TRIM13: variants seen among roughly 807,000 people sequenced by gnomAD.
TRIM13 encodes the protein E3 ubiquitin-protein ligase TRIM13.
In TRIM13, 15 loss-of-function variants were observed where a neutral mutation model predicts 27.1. That is an observed-to-expected ratio of 0.55 (90% CI 0.37 to 0.85). The LOEUF (loss-of-function observed/expected upper bound fraction) is 0.85, where lower values mean the gene tolerates loss of function less well. TRIM13 is among the 40% of genes least tolerant of loss of function. The pLI is 0.00. For missense variants in TRIM13, 402 were observed against 472.2 expected (o/e 0.85, Z 1.38); for synonymous variants, 193 against 171.5 (o/e 1.13, Z -0.98).
intron 1 of TRIM13, among the ~76,000 whole-genome samples, chr13:50,010,940 C>T (rs570996203): frequency 9.2e-5 from 14 of 152,312 alleles, no homozygotes; most frequent in Admixed American, 7.8e-4. Context: ...TTTGTGCGTA[C>T]TGCCTATTTT....
In TRIM13 at chr13:50,012,497, T is replaced by C. The variant is rs756000729; in HGVS notation, c.557T>C (p.Phe186Ser). Residue 186 changes from phenylalanine (F) to serine (S), a missense_variant, in exon 2 of 2, where the codon TTT (phenylalanine) becomes TCT (serine). Coordinates refer to ENST00000378182, the MANE Select transcript of TRIM13 (RefSeq NM_213590.3). The part of the protein sequence containing the change: ...TKDSDKVKEF[F>S]EKLQHTLDQK... Reference sequence around the variant, plus strand: ...GATTCAGATAAAGTGAAGGAATTTTTTGAGAAGTTACAACACACACTGGAT... The same window carrying C: ...GATTCAGATAAAGTGAAGGAATTTTCTGAGAAGTTACAACACACACTGGAT... 1 of 1,614,012 alleles carries C rather than the reference T, an allele frequency of 6.2e-7. No individual in the cohort carries two copies. The highest frequency in any genetic ancestry group is 1.1e-5 in the South Asian group (1 of 91,082).
intron 1 of TRIM13, among the ~76,000 whole-genome samples, chr13:50,010,224 G>T (rs945482252): frequency 2.0e-5 from 3 of 151,434 alleles, no homozygotes; most frequent in African/African-American, 7.3e-5. Flanking sequence ...AATTTTTTTG[G>T]TATTTTTTTT....
In TRIM13 at chr13:50,012,536, A is replaced by G; in HGVS notation, c.596A>G (p.Glu199Gly). Residue 199 changes from glutamate (E) to glycine (G), a missense_variant, in exon 2 of 2, where the codon GAA (glutamate) becomes GGA (glycine). Coordinates refer to ENST00000378182, the MANE Select transcript of TRIM13 (RefSeq NM_213590.3). ...CACACACTGGATCAAAAGAAGAATG[A>G]AATTCTGTCTGACTTTGAGACCATG... ...LQHTLDQKKN[E>G]ILSDFETMKL... 2 of 1,614,148 alleles carry G rather than the reference A, an allele frequency of 1.2e-6. No individual in the cohort carries two copies. The highest frequency in any genetic ancestry group is 1.7e-6 in the Non-Finnish European group (2 of 1,180,024).
chr13:50,015,258 C>A lies in TRIM13; in HGVS notation c.*2094C>A, dbSNP rs1022085105. 17 of 386,860 alleles carry A rather than the reference C, an allele frequency of 4.4e-5. No homozygotes were observed. Among genetic ancestry groups the A allele is most frequent in the Non-Finnish European group, 7.2e-5 (15 of 209,492 alleles). The allele number at this position is 386,860 out of a possible 1,614,324, so 24.0% of individuals were successfully genotyped here. ...GCAGTTTTCCTTAAGCTATTTAGTT[C>A]CTCATCTGTTGCTTTTTCATTTTGT... On this transcript the variant is annotated 3_prime_UTR_variant, in exon 2 of 2. Coordinates refer to ENST00000378182, the MANE Select transcript of TRIM13 (RefSeq NM_213590.3).
intron 1 of TRIM13, among the ~76,000 whole-genome samples, chr13:50,002,100 A>C (rs1312567167): frequency 2.0e-5 from 3 of 152,182 alleles, no homozygotes; most frequent in Non-Finnish European, 2.9e-5. Context: ...ATGAAAGATG[A>C]AACCATAGGC....
intron 1 of TRIM13, among the ~76,000 whole-genome samples, chr13:50,006,563 T>A (rs112818223): frequency 3.8e-4 from 58 of 152,106 alleles, no homozygotes; most frequent in Non-Finnish European, 7.4e-4. Flanking sequence ...CAAAAGATGA[T>A]AGTAATGGAA....
At chr13:49,999,350 C>T (rs1312479015) in intron 1 of TRIM13, among the ~76,000 whole-genome samples, 1 of 152,118 alleles carries the variant, frequency 6.6e-6, no homozygotes, top group Non-Finnish European at 1.5e-5. Flanking sequence ...GATTGCGTTT[C>T]ACCCCAAACC....
rs1245826138 is a variant in TRIM13 at position 50,013,174 on chromosome 13, C to G, written c.*10C>G. 4 of 1,530,022 alleles carry G rather than the reference C, an allele frequency of 2.6e-6. No individual in the cohort carries two copies. Among genetic ancestry groups the G allele is most frequent in the Non-Finnish European group, 3.5e-6 (4 of 1,141,814 alleles). 94.8% of individuals were successfully genotyped at this position (1,530,022 alleles called of 1,614,324 possible). On this transcript the variant is annotated 3_prime_UTR_variant, in exon 2 of 2. Coordinates refer to ENST00000378182, the MANE Select transcript of TRIM13 (RefSeq NM_213590.3). ...ATATAAACTATTATAAAATCTGTTT[C>G]AAGTATGCAGTTTTCTTTTGTTAGA...
At position 50,016,681 on chromosome 13, in the gene TRIM13, C is replaced by T. The variant is rs1876628067; in HGVS notation, c.*3517C>T. Reference sequence around the variant, plus strand: ...CCTGAGTCAATTCTTCACTTACTCCCTCTGTTGTTCTTGGCTGGATCCTAA... The same window carrying T: ...CCTGAGTCAATTCTTCACTTACTCCTTCTGTTGTTCTTGGCTGGATCCTAA... On this transcript the variant is annotated 3_prime_UTR_variant, in exon 2 of 2. Transcript: ENST00000378182. The T allele has an allele frequency of 6.0e-6, 1 of 167,072 alleles. No homozygotes were observed. The highest frequency in any genetic ancestry group is 1.5e-5 in the Non-Finnish European group (1 of 68,166). 10.3% of individuals were successfully genotyped at this position (167,072 alleles called of 1,614,324 possible).
rs771001156 is a variant in TRIM13, at chr13:50,018,110, A to C, written c.*4946A>C. On this transcript the variant is annotated 3_prime_UTR_variant, in exon 2 of 2. Transcript: ENST00000378182. ...CTTTTTGAACTGGCTCAAATGGAAA[A>C]GTGTAGTTGCTTTTAAATGTTAAAA... 5 of 167,084 alleles carry C rather than the reference A, an allele frequency of 3.0e-5. No homozygotes were observed. Among genetic ancestry groups the C allele is most frequent in the African/African-American group, 4.8e-5 (2 of 41,466 alleles). The allele number at this position is 167,084 out of a possible 1,614,324, so 10.4% of individuals were successfully genotyped here.
intron 1 of TRIM13, among the ~76,000 whole-genome samples, chr13:50,010,946 AT>A (rs1875551711): frequency 6.6e-6 from 1 of 152,182 alleles, no homozygotes; most frequent in East Asian, 1.9e-4. Context: ...CGTACTGCCT[AT>A]TTTGTCACGC....
chr13:50,000,466 A>T (rs1873888784), intron 1 of TRIM13, among the ~76,000 whole-genome samples: 2 of 152,206 alleles, frequency 1.3e-5, no homozygotes, highest in Admixed American at 1.3e-4. Context: ...AAACACAACA[A>T]CCCACAAACA....
In TRIM13 at chr13:50,015,508, A is replaced by AC. The variant is rs1249006836; in HGVS notation, c.*2345dup. Reference sequence around the variant, plus strand: ...GTGAGGGAAGAATGAGTAGTCAGGAACTGGTCACTTTGAATGTGGGAGGGA... The same window carrying AC: ...GTGAGGGAAGAATGAGTAGTCAGGAACCTGGTCACTTTGAATGTGGGAGGGA... On this transcript the variant is annotated 3_prime_UTR_variant, in exon 2 of 2. Transcript: ENST00000378182. 1 of 1,612,032 alleles carries AC rather than the reference A, an allele frequency of 6.2e-7. No homozygotes were observed. Among genetic ancestry groups the AC allele is most frequent in the Admixed American group, 1.7e-5 (1 of 59,842 alleles).
Position 50,013,638 on chromosome 13 carries a change from T to G in TRIM13, c.*474T>G, listed in dbSNP as rs1875945746. 6.0e-6 allele frequency: 1 copy of G among 165,370 alleles called. No individual in the cohort carries two copies. The highest frequency in any genetic ancestry group is 1.5e-5 in the Non-Finnish European group (1 of 68,578). The allele number at this position is 165,370 out of a possible 1,614,324, so 10.2% of individuals were successfully genotyped here. On this transcript the variant is annotated 3_prime_UTR_variant, in exon 2 of 2. Coordinates refer to ENST00000378182, the MANE Select transcript of TRIM13 (RefSeq NM_213590.3). ...CCCAGGTTCAAGTGATTATCCTGCC[T>G]TAGCCTCCTGAGTAGCTGGGATTAC...
chr13:50,015,728 T>C lies in TRIM13; in HGVS notation c.*2564T>C. 3.7e-6 allele frequency: 6 copies of C among 1,614,110 alleles called. No individual in the cohort carries two copies. The highest frequency in any genetic ancestry group is 5.1e-6 in the Non-Finnish European group (6 of 1,179,940). ...TTTATTACCCACTGAATTTTCAGACTATCTTAGGCTTCAGAGAGAGGCTCT... is the reference window on the plus strand; with the variant it reads ...TTTATTACCCACTGAATTTTCAGACCATCTTAGGCTTCAGAGAGAGGCTCT... On this transcript the variant is annotated 3_prime_UTR_variant, in exon 2 of 2. Coordinates refer to ENST00000378182, the MANE Select transcript of TRIM13 (RefSeq NM_213590.3).
chr13:50,008,293 CATAT>C (rs1161293807), intron 1 of TRIM13, among the ~76,000 whole-genome samples: 3 of 152,126 alleles, frequency 2.0e-5, no homozygotes, highest in Non-Finnish European at 4.4e-5. Flanking sequence ...GTGATATGTG[CATAT>C]ATCCCTGAGT....
chr13:50,012,108 A>T lies in TRIM13; in HGVS notation c.168A>T (p.Thr56=), dbSNP rs777850081. ...LWRPAPFKCP[T]CRKETSATGI... Reference sequence around the variant, plus strand: ...GACCAGCTCCATTCAAGTGTCCTACATGCCGTAAGGAAACTTCAGCTACTG... The same window carrying T: ...GACCAGCTCCATTCAAGTGTCCTACTTGCCGTAAGGAAACTTCAGCTACTG... Residue 56 remains threonine, a synonymous_variant, in exon 2 of 2, where the codon ACA becomes ACT. Coordinates refer to ENST00000378182, the MANE Select transcript of TRIM13 (RefSeq NM_213590.3). 3 of 1,614,058 alleles carry T rather than the reference A, an allele frequency of 1.9e-6. No homozygotes were observed. In the African/African-American group the frequency reaches 4.0e-5, roughly 22 times the overall value.
intron 1 of TRIM13, chr13:50,000,908 A>T (rs1167389724): frequency 6.6e-6 from 1 of 152,206 alleles, no homozygotes; most frequent in Non-Finnish European, 1.5e-5. Context: ...CTAAGTGTAC[A>T]GTACAGTGGT....
chr13:49,999,776 C>A (rs549914226), intron 1 of TRIM13, among the ~76,000 whole-genome samples: 20 of 152,260 alleles, frequency 1.3e-4, no homozygotes, highest in African/African-American at 4.3e-4. Context: ...GCCTGTTAAA[C>A]CTAGTTTGTA....
Sources: gnomAD v4.1 joint callset for allele counts (sites outside exome capture counted in the v4.1 genomes callset) on GRCh38, gnomAD v4.1.1 for gene constraint, MANE v1.5 for transcripts, NCBI Gene and HGNC (gene_info 2026-07-23, HGNC 2026-07-21) for gene names.